Variants in SCARA3 observed in about 807,000 individuals in gnomAD.
The protein encoded by SCARA3 is scavenger receptor class A member 3, also known as cellular stress response gene protein.
In SCARA3, 39 loss-of-function variants were observed where a neutral mutation model predicts 47.0. That is an observed-to-expected ratio of 0.83 (90% confidence interval 0.64 to 1.08). The LOEUF (loss-of-function observed/expected upper bound fraction) is 1.08. Among genes scored for constraint, SCARA3 ranks in the 50% least tolerant of loss-of-function variants. The pLI is 0.00. For missense variants in SCARA3, 724 were observed against 792.3 expected (o/e 0.91, Z 1.04); for synonymous variants, 356 against 334.1 (o/e 1.07, Z -0.71).
chr8:27,645,976 G>A (rs1019360864), intron 1 of SCARA3, among the ~76,000 whole-genome samples: 4 of 152,158 alleles, frequency 2.6e-5, no homozygotes, highest in African/African-American at 4.8e-5. Flanking sequence ...CAAAGGGCTC[G>A]GCTTATAAGA....
chr8:27,647,203 A>C (rs1292796910), intron 1 of SCARA3, among the ~76,000 whole-genome samples: 1 of 152,224 alleles, frequency 6.6e-6, no homozygotes. Context: ...GCAGGCATGC[A>C]TGTATACTCA....
chr8:27,652,558 G>A (rs1801654752), intron 3 of SCARA3, among the ~76,000 whole-genome samples: 1 of 152,198 alleles, frequency 6.6e-6, no homozygotes, highest in Non-Finnish European at 1.5e-5. Context: ...CTAAGGAGAG[G>A]CCCCTCGTCC....
intron 5 of SCARA3, among the ~76,000 whole-genome samples, chr8:27,670,316 C>T (rs1437211592): frequency 6.6e-6 from 1 of 152,194 alleles, no homozygotes; most frequent in Non-Finnish European, 1.5e-5. Context: ...GAGGTGACTT[C>T]TCTTTGTATG....
rs752301323 is a variant in SCARA3 at position 27,651,552 on chromosome 8, T to C, written c.151T>C (p.Leu51=). 6.2e-7 allele frequency: 1 copy of C among 1,613,882 alleles called. No homozygotes were observed. ...RCSRCQKNLS[L]HTSVRILYLF... is the part of the protein sequence containing the mutation. ...CAGCCGCTGCCAGAAGAACCTATCT[T>C]TGCACACATCGGTGCGGATTCTTTA... The change falls in exon 3 of 6, where the codon TTG becomes CTG. Residue 51 remains leucine (L), a synonymous_variant. Coordinates refer to ENST00000301904, the MANE Select transcript of SCARA3 (RefSeq NM_016240.3).
At chr8:27,697,610 C>A in the SCARA3 span, 1 of 152,152 alleles carries the variant, frequency 6.6e-6, no homozygotes, top group Non-Finnish European at 1.5e-5. Context: ...TTGGCTGTGT[C>A]CCCACCCAAA....
the SCARA3 span, among the ~76,000 whole-genome samples, chr8:27,726,205 A>G: frequency 1.3e-5 from 2 of 152,294 alleles, no homozygotes. Flanking sequence ...CCAGGAGTTC[A>G]AGACCAGCCT....
chr8:27,713,466 G>T, the SCARA3 span, among the ~76,000 whole-genome samples: 1 of 152,164 alleles, frequency 6.6e-6, no homozygotes, highest in South Asian at 2.1e-4. Context: ...CTTTGAAATT[G>T]TGTAAATACC....
Position 27,651,494 on chromosome 8 carries a change from T to C in SCARA3, c.107-14T>C. On this transcript the variant is annotated splice_polypyrimidine_tract_variant and intron_variant, in intron 2 of 5. Coordinates refer to ENST00000301904, the MANE Select transcript of SCARA3 (RefSeq NM_016240.3). The stretch of plus-strand genomic sequence containing the variant: ...CCCTGGCCTAAGCCATTGTCCTCCT[T>C]GTGTCCCCCACAGGCCGGCCAGGGC... The C allele has an allele frequency of 1.2e-6, 2 of 1,609,882 alleles. No individual in the cohort carries two copies. Among genetic ancestry groups the C allele is most frequent in the Non-Finnish European group, 1.7e-6 (2 of 1,179,814 alleles).
chr8:27,717,043 T>TA, the SCARA3 span, among the ~76,000 whole-genome samples: 38 of 150,906 alleles, frequency 2.5e-4, no homozygotes, highest in Non-Finnish European at 1.8e-4. Flanking sequence ...GGTGTAATCC[T>TA]AAAAAAAAAT....
At chr8:27,699,900 T>C in the SCARA3 span, among the ~76,000 whole-genome samples, 13 of 152,258 alleles carry the variant, frequency 8.5e-5, no homozygotes, top group Non-Finnish European at 1.2e-4. Flanking sequence ...AGAAATAGAT[T>C]TACACATATA....
At chr8:27,647,727 A>G (rs142416686) in intron 1 of SCARA3, among the ~76,000 whole-genome samples, 1 of 152,328 alleles carries the variant, frequency 6.6e-6, no homozygotes, top group Non-Finnish European at 1.5e-5. Flanking sequence ...TGAGAGCTCA[A>G]GAAAGACTGC....
At chr8:27,643,082 T>C (rs879715997) in intron 1 of SCARA3, among the ~76,000 whole-genome samples, 1 of 152,198 alleles carries the variant, frequency 6.6e-6, no homozygotes, top group Non-Finnish European at 1.5e-5. Flanking sequence ...CAGGGATTGC[T>C]ATTGGCCTTT....
At chr8:27,724,018 A>G in the SCARA3 span, among the ~76,000 whole-genome samples, 1 of 152,202 alleles carries the variant, frequency 6.6e-6, no homozygotes, top group Admixed American at 6.5e-5. Flanking sequence ...TTATAGGCGC[A>G]AGCCACTGCA....
chr8:27,641,339 TAAAG>T (rs1273212490), intron 1 of SCARA3, among the ~76,000 whole-genome samples: 1 of 152,150 alleles, frequency 6.6e-6, no homozygotes, highest in Non-Finnish European at 1.5e-5. Flanking sequence ...TAGTGGATGA[TAAAG>T]AAAGAAGTTG....
At chr8:27,695,101 C>T in the SCARA3 span, among the ~76,000 whole-genome samples, 6 of 152,190 alleles carry the variant, frequency 3.9e-5, no homozygotes, top group Admixed American at 3.9e-4. Flanking sequence ...TCCAGACCAG[C>T]CAGAATGGAG....
the SCARA3 span, among the ~76,000 whole-genome samples, chr8:27,716,812 G>A: frequency 6.6e-6 from 1 of 152,184 alleles, no homozygotes; most frequent in East Asian, 1.9e-4. Context: ...ATGGGATAGA[G>A]AAATTTACAG....
chr8:27,724,587 G>T, the SCARA3 span, among the ~76,000 whole-genome samples: 1 of 152,176 alleles, frequency 6.6e-6, no homozygotes, highest in African/African-American at 2.4e-5. Context: ...GAACCCGGGA[G>T]GCAGAGGTTG....
intron 2 of SCARA3, among the ~76,000 whole-genome samples, chr8:27,651,272 G>A (rs555583846): frequency 3.9e-5 from 6 of 152,374 alleles, no homozygotes; most frequent in African/African-American, 1.2e-4. Flanking sequence ...GAGAGAGGAT[G>A]ATGGTAGTGC....
chr8:27,662,477 A>G (rs563646118), intron 5 of SCARA3, among the ~76,000 whole-genome samples: 27 of 152,372 alleles, frequency 1.8e-4, no homozygotes, highest in African/African-American at 6.5e-4. Context: ...TTCCTCAGTC[A>G]GGAGCAATGC....
Sources: allele counts gnomAD v4.1 joint callset (sites outside exome capture counted in the v4.1 genomes callset), GRCh38; gene constraint gnomAD v4.1.1; transcripts MANE v1.5; gene names NCBI Gene and HGNC (gene_info 2026-07-23, HGNC 2026-07-21).